CREB3L2: variants seen among roughly 807,000 people sequenced by gnomAD.
CREB3L2 encodes the protein cyclic AMP-responsive element-binding protein 3-like protein 2.
Under a neutral mutation model 57.2 loss-of-function variants are expected in CREB3L2, and 23 were observed. That is an observed-to-expected ratio of 0.40 (90% CI 0.29 to 0.57). The LOEUF (loss-of-function observed/expected upper bound fraction) is 0.57. Among genes scored for constraint, CREB3L2 ranks in the 20% least tolerant of loss-of-function variants. The pLI is 0.42. For missense variants in CREB3L2, 628 were observed against 634.7 expected (o/e 0.99, Z 0.11); for synonymous variants, 268 against 265.1 (o/e 1.01, Z -0.11).
intron 8 of CREB3L2, among the ~76,000 whole-genome samples, chr7:137,892,877 T>A (rs1799552008): frequency 6.6e-6 from 1 of 152,040 alleles, no homozygotes; most frequent in Non-Finnish European, 1.5e-5. Flanking sequence ...ACAATGTTAA[T>A]AATTATAAGT....
At chr7:137,977,684 G>A (rs1455739244) in intron 1 of CREB3L2, among the ~76,000 whole-genome samples, 2 of 152,190 alleles carry the variant, frequency 1.3e-5, no homozygotes, top group Non-Finnish European at 2.9e-5. Flanking sequence ...ACTTTGGGAG[G>A]CTGAGGTGGG....
At chr7:137,882,675 G>T in intron 10 of CREB3L2, 47 bp from the exon 11 acceptor site, 2 of 1,340,804 alleles carry the variant, frequency 1.5e-6, no homozygotes, top group Non-Finnish European at 2.0e-6. Context: ...GACCACAGGG[G>T]TCCAACACAT....
intron 1 of CREB3L2, among the ~76,000 whole-genome samples, chr7:137,988,609 C>A (rs1236797691): frequency 1.3e-5 from 2 of 152,166 alleles, no homozygotes; most frequent in African/African-American, 2.4e-5. Context: ...AGACTCACAC[C>A]TTGGAGTCAT....
At chr7:137,986,264 G>A (rs1801790525) in intron 1 of CREB3L2, among the ~76,000 whole-genome samples, 1 of 152,256 alleles carries the variant, frequency 6.6e-6, no homozygotes, top group South Asian at 2.1e-4. Flanking sequence ...ATAAACAGCA[G>A]TGAATAAAAG....
intron 1 of CREB3L2, among the ~76,000 whole-genome samples, chr7:137,971,744 TATTA>T (rs1801511204): frequency 6.6e-6 from 1 of 151,928 alleles, no homozygotes; most frequent in Non-Finnish European, 1.5e-5. Flanking sequence ...TTTCTAAAAC[TATTA>T]ATTAAACATT....
intron 8 of CREB3L2, among the ~76,000 whole-genome samples, chr7:137,895,301 C>G (rs1300969598): frequency 6.6e-6 from 1 of 152,220 alleles, no homozygotes; most frequent in Non-Finnish European, 1.5e-5. Context: ...GAAGGATTCT[C>G]TAGCAGCCAC....
At chr7:137,957,972 G>C in intron 1 of CREB3L2, 4 of 318,840 alleles carry the variant, frequency 1.3e-5, no homozygotes, top group Non-Finnish European at 2.4e-5. Flanking sequence ...GGCGTGTTCC[G>C]TCCTAGGCCT....
rs547193022 is a variant in CREB3L2, at chr7:137,940,870, G to A, written c.103-12504C>T. 4.6e-5 allele frequency among the ~76,000 whole-genome samples: 7 copies of A among 152,350 alleles called. No individual in the cohort carries two copies. The East Asian group carries it at 1.2e-3, about 25-fold the overall frequency. On this transcript the variant is annotated intron_variant, in intron 1 of 11. Transcript: ENST00000330387. ...ACACTGGGGAAAAGGGAAAGTGCTT[G>A]AGAGGTACAAAGTACTGTTTGTGTT...
At position 137,878,086 on chromosome 7, in the gene CREB3L2, G is replaced by T. The variant is rs1799198958; in HGVS notation, c.*2390C>A. 4.3e-6 allele frequency: 1 copy of T among 230,416 alleles called. No individual in the cohort carries two copies. The highest frequency in any genetic ancestry group is 8.6e-6 in the Non-Finnish European group (1 of 116,366). 14.3% of individuals were successfully genotyped at this position (230,416 alleles called of 1,614,324 possible). On this transcript the variant is annotated 3_prime_UTR_variant, in exon 12 of 12. Coordinates refer to ENST00000330387, the MANE Select transcript of CREB3L2 (RefSeq NM_194071.4). ...GTCTACATAGATTCCGTTTTGGAAGGATGGTTTCCCAGAGAAAGAGTCCTG... is the reference window on the plus strand; with the variant it reads ...GTCTACATAGATTCCGTTTTGGAAGTATGGTTTCCCAGAGAAAGAGTCCTG...
intron 8 of CREB3L2, among the ~76,000 whole-genome samples, chr7:137,900,727 C>T (rs960602255): frequency 6.6e-6 from 1 of 151,274 alleles, no homozygotes; most frequent in Non-Finnish European, 1.5e-5. Flanking sequence ...TCACTTGAAC[C>T]CGGGAGGCAG....
rs58506555 is a variant in CREB3L2 at position 137,902,194 on chromosome 7, C to CAAAAAAAA, written c.975-780_975-773dup. On this transcript the variant is annotated intron_variant, in intron 7 of 11. Coordinates refer to ENST00000330387, the MANE Select transcript of CREB3L2 (RefSeq NM_194071.4). ...GGGCCACAGAGCGAGACTCTGTCTC[C>CAAAAAAAA]AAAAAAAAAAAAAAAAAAGAGGGAG... 5.5e-3 allele frequency among the ~76,000 whole-genome samples: 467 copies of CAAAAAAAA among 84,410 alleles called. 12 individuals carry two copies. The highest frequency in any genetic ancestry group is 0.012 in the African/African-American group (329 of 27,638). 55.4% of individuals were successfully genotyped at this position (84,410 alleles called of 152,430 possible).
chr7:137,914,882 TTTTTC>T (rs1800093632), intron 3 of CREB3L2, among the ~76,000 whole-genome samples: 2 of 152,114 alleles, frequency 1.3e-5, no homozygotes, highest in Non-Finnish European at 2.9e-5. Context: ...ACTACATCTT[TTTTTC>T]TTTCTTTCTT....
chr7:137,993,411 T>C (rs187958680), intron 1 of CREB3L2, among the ~76,000 whole-genome samples: 23 of 152,182 alleles, frequency 1.5e-4, no homozygotes, highest in Admixed American at 1.5e-3. Flanking sequence ...TGTTCTCTAA[T>C]CAAAACAAGA....
At chr7:137,988,963 G>C (rs1801835893) in intron 1 of CREB3L2, among the ~76,000 whole-genome samples, 1 of 150,388 alleles carries the variant, frequency 6.6e-6, no homozygotes, top group Non-Finnish European at 1.5e-5. Context: ...AGGAAAAAAA[G>C]GAAGGAAGGG....
chr7:137,972,714 TATATATATATATATATATATATAG>T (rs1801534128), intron 1 of CREB3L2, among the ~76,000 whole-genome samples: 1 of 24,166 alleles, frequency 4.1e-5, no homozygotes, highest in African/African-American at 1.3e-4. Flanking sequence ...AAAAAAAAAA[TATATATATATATATATATATATAG>T]AGAGAGAGAG....
rs544291485 is a variant in CREB3L2 at position 137,882,915 on chromosome 7, T to C, written c.1271-287A>G. On this transcript the variant is annotated intron_variant, in intron 10 of 11. Transcript: ENST00000330387. ...GCTTTGAAAATATAAAACTCCCCCCTTACCACCCATAACCATCTAGGGAAA... is the reference window on the plus strand; with the variant it reads ...GCTTTGAAAATATAAAACTCCCCCCCTACCACCCATAACCATCTAGGGAAA... 7.6e-3 allele frequency among the ~76,000 whole-genome samples: 1,131 copies of C among 149,228 alleles called. 54 individuals are homozygous for C. The highest frequency in any genetic ancestry group is 0.068 in the Admixed American group (1,037 of 15,158).
rs66493086 is a variant in CREB3L2, at chr7:137,960,809, C to CTTTTTTTTTTTT, written c.103-32455_103-32444dup. On this transcript the variant is annotated intron_variant, in intron 1 of 11. Coordinates refer to ENST00000330387, the MANE Select transcript of CREB3L2 (RefSeq NM_194071.4). ...TTTTAAACTTAAAACTAAATTATTT[C>CTTTTTTTTTTTT]TTTTTTTTTTTTTTTTTTTTTGAGA... Among the ~76,000 whole-genome samples, 23 of 95,572 alleles carry CTTTTTTTTTTTT rather than the reference C, an allele frequency of 2.4e-4. 2 individuals carry two copies. The highest frequency in any genetic ancestry group is 4.5e-4 in the Admixed American group (3 of 6,690). 62.7% of individuals were successfully genotyped at this position (95,572 alleles called of 152,430 possible).
intron 1 of CREB3L2, among the ~76,000 whole-genome samples, chr7:137,989,051 C>T (rs889301644): frequency 6.6e-6 from 1 of 152,150 alleles, no homozygotes; most frequent in Non-Finnish European, 1.5e-5. Context: ...TACACAAGCA[C>T]CAATGAACCA....
At chr7:137,989,527 C>T (rs1237401640) in intron 1 of CREB3L2, among the ~76,000 whole-genome samples, 1 of 149,434 alleles carries the variant, frequency 6.7e-6, no homozygotes, top group African/African-American at 2.5e-5. Context: ...GCTCCACACT[C>T]AGCCCTTCTC....
Sources: gnomAD v4.1 joint callset for allele counts (sites outside exome capture counted in the v4.1 genomes callset) on GRCh38, gnomAD v4.1.1 for gene constraint, MANE v1.5 for transcripts, NCBI Gene and HGNC (gene_info 2026-07-23, HGNC 2026-07-21) for gene names.